PEBP4: variants seen among roughly 807,000 people sequenced by gnomAD.
PEBP4 encodes phosphatidylethanolamine-binding protein 4.
Under a neutral mutation model 23.9 loss-of-function variants are expected in PEBP4, and 22 were observed. That is an observed-to-expected ratio of 0.92 (90% CI 0.66 to 1.31). PEBP4 has a LOEUF of 1.31. Ranked by LOEUF, PEBP4 falls within the 40% of genes most tolerant of loss-of-function variation. The probability of loss-of-function intolerance (pLI) is 0.00; values close to 1 mark genes in which losing one functional copy is unlikely to be tolerated. For missense variants in PEBP4, 324 were observed against 281.7 expected, an observed-to-expected ratio of 1.15 and a Z score of -1.07; for synonymous variants, 112 against 99.3, an observed-to-expected ratio of 1.13 and a Z score of -0.76.
intron 4 of PEBP4, among the ~76,000 whole-genome samples, chr8:22,793,129 A>G (rs955825173): frequency 6.6e-6 from 1 of 152,158 alleles, no homozygotes; most frequent in Non-Finnish European, 1.5e-5. Context: ...TACACTTTCC[A>G]GTTTCTTTTC....
chr8:22,812,967 G>C (rs796990365), intron 4 of PEBP4, among the ~76,000 whole-genome samples: 10 of 152,236 alleles, frequency 6.6e-5, no homozygotes, highest in African/African-American at 2.4e-4. Context: ...GTCTTAGAGA[G>C]GTCAAACAAC....
intron 3 of PEBP4, among the ~76,000 whole-genome samples, chr8:22,899,128 T>G (rs1165275091): frequency 6.6e-6 from 1 of 152,186 alleles, no homozygotes; most frequent in African/African-American, 2.4e-5. Context: ...GAAGTAGCAG[T>G]TCCTACCTCA....
chr8:22,906,934 G>A (rs1808829326), intron 3 of PEBP4, among the ~76,000 whole-genome samples: 1 of 152,202 alleles, frequency 6.6e-6, no homozygotes, highest in African/African-American at 2.4e-5. Flanking sequence ...AGGTGGTGAA[G>A]GAAAGTGGTG....
At chr8:22,738,838 CACAG>C (rs775585841) in intron 4 of PEBP4, among the ~76,000 whole-genome samples, 60 of 152,294 alleles carry the variant, frequency 3.9e-4, no homozygotes, top group East Asian at 5.8e-4. Flanking sequence ...TATCCACATG[CACAG>C]ACACTCACAT....
At chr8:22,767,920 A>G (rs1174708423) in intron 4 of PEBP4, among the ~76,000 whole-genome samples, 1 of 151,940 alleles carries the variant, frequency 6.6e-6, no homozygotes, top group Non-Finnish European at 1.5e-5. Context: ...TGTATTTTTA[A>G]TAGAGATGGG....
rs751016414 is a variant in PEBP4, at chr8:22,784,184, G to C, written c.357+33453C>G. Among the ~76,000 whole-genome samples the C allele has an allele frequency of 1.9e-4, 29 of 152,150 alleles. 1 individual carries two copies. Among genetic ancestry groups the C allele is most frequent in the Admixed American group, 4.6e-4 (7 of 15,268 alleles). ...TCTTTGTTGGTTTTCTTCTGTCCCT[G>C]TCACCAGCACCCCTGCAACCTGCTA... On this transcript the variant is annotated intron_variant, in intron 4 of 6. Transcript: ENST00000256404.
intron 4 of PEBP4, among the ~76,000 whole-genome samples, chr8:22,733,548 C>T (rs1804783507): frequency 6.6e-6 from 1 of 152,118 alleles, no homozygotes; most frequent in African/African-American, 2.4e-5. Context: ...CCTTCAATTA[C>T]CTGTAGGCAG....
At chr8:22,735,242 A>C (rs1296375105) in intron 4 of PEBP4, among the ~76,000 whole-genome samples, 1 of 152,230 alleles carries the variant, frequency 6.6e-6, no homozygotes, top group African/African-American at 2.4e-5. Flanking sequence ...TGAGGCCTAG[A>C]GGCCATGCTG....
intron 3 of PEBP4, among the ~76,000 whole-genome samples, chr8:22,824,996 C>T (rs1176723157): frequency 1.3e-5 from 2 of 152,192 alleles, no homozygotes; most frequent in African/African-American, 4.8e-5. Flanking sequence ...TGGTCATATC[C>T]TGAGGTTTAC....
chr8:22,874,176 C>A (rs1192285600), intron 3 of PEBP4, among the ~76,000 whole-genome samples: 1 of 151,816 alleles, frequency 6.6e-6, no homozygotes, highest in Non-Finnish European at 1.5e-5. Flanking sequence ...TGAGGAACTT[C>A]AGTTAAAAGA....
chr8:22,727,559 G>A (rs1472660266), intron 4 of PEBP4, among the ~76,000 whole-genome samples: 1 of 152,172 alleles, frequency 6.6e-6, no homozygotes, highest in Non-Finnish European at 1.5e-5. Flanking sequence ...CCCTATTGGT[G>A]CCTGAGACTG....
At chr8:22,798,061 G>A (rs1343270533) in intron 4 of PEBP4, among the ~76,000 whole-genome samples, 1 of 152,174 alleles carries the variant, frequency 6.6e-6, no homozygotes, top group African/African-American at 2.4e-5. Context: ...TGCTAAGAGG[G>A]AGGCCAGAGA....
intron 3 of PEBP4, among the ~76,000 whole-genome samples, chr8:22,835,625 C>T (rs1395259394): frequency 6.6e-6 from 1 of 152,200 alleles, no homozygotes; most frequent in Non-Finnish European, 1.5e-5. Context: ...GTAAACCTAG[C>T]AGGAACCATC....
At chr8:22,780,022 C>T (rs1805884727) in intron 4 of PEBP4, among the ~76,000 whole-genome samples, 1 of 151,490 alleles carries the variant, frequency 6.6e-6, no homozygotes, top group African/African-American at 2.4e-5. Context: ...GATCACGGCT[C>T]ACTGCAACCT....
At chr8:22,834,283 G>C (rs140772582) in intron 3 of PEBP4, among the ~76,000 whole-genome samples, 16 of 152,358 alleles carry the variant, frequency 1.1e-4, no homozygotes, top group Admixed American at 3.9e-4. Context: ...GGGAGGTTGA[G>C]TGTAACAGCT....
At chr8:22,787,166 G>C (rs1255259872) in intron 4 of PEBP4, among the ~76,000 whole-genome samples, 1 of 152,210 alleles carries the variant, frequency 6.6e-6, no homozygotes, top group Non-Finnish European at 1.5e-5. Context: ...GTTTGGGCAG[G>C]AGAGGAGTCT....
intron 3 of PEBP4, among the ~76,000 whole-genome samples, chr8:22,826,546 T>C (rs1207250529): frequency 6.6e-6 from 1 of 152,214 alleles, no homozygotes. Flanking sequence ...AACAATGATA[T>C]GTACTCAGAG....
At chr8:22,852,141 CA>C (rs1174407523) in intron 3 of PEBP4, among the ~76,000 whole-genome samples, 1 of 152,104 alleles carries the variant, frequency 6.6e-6, no homozygotes, top group Non-Finnish European at 1.5e-5. Flanking sequence ...GGGGTTGGAA[CA>C]GTTTTTATTG....
At chr8:22,816,279 C>T (rs1477890545) in intron 4 of PEBP4, among the ~76,000 whole-genome samples, 1 of 152,196 alleles carries the variant, frequency 6.6e-6, no homozygotes, top group Non-Finnish European at 1.5e-5. Flanking sequence ...CTTGGGTCTC[C>T]CTTGAGGAAG....
Sources: allele counts gnomAD v4.1 joint callset (sites outside exome capture counted in the v4.1 genomes callset), GRCh38; gene constraint gnomAD v4.1.1; transcripts MANE v1.5; gene names NCBI Gene and HGNC (gene_info 2026-07-23, HGNC 2026-07-21).